Variants in ZFHX4 observed in about 807,000 individuals in gnomAD.
ZFHX4 encodes zinc finger homeobox 4.
ZFHX4 carries 56 observed loss-of-function variants against 267.6 expected under a neutral mutation model. That is an observed-to-expected ratio of 0.21 (90% CI 0.17 to 0.26). The LOEUF (loss-of-function observed/expected upper bound fraction) is 0.26. Ranked by LOEUF, ZFHX4 falls within the 10% of genes least tolerant of loss-of-function variation. ZFHX4 has a pLI of 1.00. For synonymous variants in ZFHX4, 1,778 were observed against 1,665.6 expected, an observed-to-expected ratio of 1.07 and a Z score of -1.64; for missense variants, 4,332 against 4,420.0, an observed-to-expected ratio of 0.98 and a Z score of 0.56.
At chr8:76,792,175 G>A (rs1360111745) in intron 4 of ZFHX4, among the ~76,000 whole-genome samples, 1 of 152,056 alleles carries the variant, frequency 6.6e-6, no homozygotes, top group East Asian at 1.9e-4. Context: ...AAGTGATTCT[G>A]TAACGTAACA....
chr8:76,824,318 A>G (rs551496988), intron 4 of ZFHX4, among the ~76,000 whole-genome samples: 4 of 152,310 alleles, frequency 2.6e-5, no homozygotes, highest in African/African-American at 7.2e-5. Context: ...AATCTAGAAA[A>G]TTACTCAAAT....
At chr8:76,715,632 G>A (rs1251278122) in intron 3 of ZFHX4, among the ~76,000 whole-genome samples, 1 of 151,752 alleles carries the variant, frequency 6.6e-6, no homozygotes, top group Non-Finnish European at 1.5e-5. Context: ...TGAAAGTACT[G>A]CTTAAAGATA....
chr8:76,751,404 T>G (rs1809610601), intron 3 of ZFHX4, among the ~76,000 whole-genome samples: 1 of 152,152 alleles, frequency 6.6e-6, no homozygotes, highest in Non-Finnish European at 1.5e-5. Context: ...AGTCTCTCCC[T>G]CAGGTTTCCA....
chr8:76,683,262 G>C (rs1807594907), intron 1 of ZFHX4: 1 of 136,368 alleles, frequency 7.3e-6, no homozygotes, highest in African/African-American at 2.8e-5. Context: ...TACACACACA[G>C]AGACACACTC....
chr8:76,710,450 T>C (rs1808394089), intron 3 of ZFHX4, among the ~76,000 whole-genome samples: 1 of 152,166 alleles, frequency 6.6e-6, no homozygotes. Flanking sequence ...ATAAGTAATA[T>C]TAATTGCTTT....
rs141956061 is a variant in ZFHX4 at position 76,702,465 on chromosome 8, T to A, written c.-46-1578T>A. On this transcript the variant is annotated intron_variant, in intron 1 of 10. Coordinates refer to ENST00000651372, the MANE Select transcript of ZFHX4 (RefSeq NM_024721.5). ...CATATGCCAGTGACCTTCACTGATG[T>A]CTTTCTTGTATAAGAACATTTTAAA... 2.4e-4 allele frequency among the ~76,000 whole-genome samples: 37 copies of A among 152,302 alleles called. No individual in the cohort carries two copies. The East Asian group carries it at 6.6e-3, about 27-fold the overall frequency.
At chr8:76,795,432 C>T (rs1810953315) in intron 4 of ZFHX4, among the ~76,000 whole-genome samples, 1 of 151,962 alleles carries the variant, frequency 6.6e-6, no homozygotes, top group East Asian at 1.9e-4. Flanking sequence ...CACCACCATG[C>T]CTGGCTAATT....
At chr8:76,767,905 T>C (rs1054776214) in intron 3 of ZFHX4, among the ~76,000 whole-genome samples, 1 of 152,194 alleles carries the variant, frequency 6.6e-6, no homozygotes, top group Non-Finnish European at 1.5e-5. Context: ...TTGGAATAAA[T>C]AATGCATGTG....
intron 4 of ZFHX4, among the ~76,000 whole-genome samples, chr8:76,814,515 G>A (rs926639530): frequency 6.6e-5 from 10 of 152,034 alleles, no homozygotes; most frequent in East Asian, 1.9e-4. Context: ...AGTTTTATAC[G>A]AAGAAGGTCT....
chr8:76,749,385 C>T, intron 3 of ZFHX4, among the ~76,000 whole-genome samples: 1 of 152,176 alleles, frequency 6.6e-6, no homozygotes, highest in South Asian at 2.1e-4. Context: ...GACCAAGTAA[C>T]TTGTCCCAGA....
In ZFHX4 at chr8:76,777,559, A is replaced by G. The variant is rs375902812; in HGVS notation, c.3094-649A>G. ...AAGTTTATTCCATGCATGCAGATTT[A>G]TGGAAAATTTAAATAAACATTTATG... On this transcript the variant is annotated intron_variant, in intron 3 of 10. Transcript: ENST00000651372. Among the ~76,000 whole-genome samples, 12 of 152,328 alleles carry G rather than the reference A, an allele frequency of 7.9e-5. No individual in the cohort carries two copies. The South Asian group carries it at 1.7e-3, about 21-fold the overall frequency.
Position 76,864,612 on chromosome 8 carries a change from T to TA in ZFHX4, c.*57dup, listed in dbSNP as rs3830275. 537 of 1,223,150 alleles carry TA rather than the reference T, an allele frequency of 4.4e-4. No homozygotes were observed. Among genetic ancestry groups the TA allele is most frequent in the South Asian group, 6.1e-4 (29 of 47,610 alleles). 75.8% of individuals were successfully genotyped at this position (1,223,150 alleles called of 1,614,324 possible). ...CTTAAAAAAATAAAAAATAAAAAAA[T>TA]AAAAAAAAAATAAGACTTTAACTGC... is the stretch of plus-strand genomic sequence containing the variant. On this transcript the variant is annotated 3_prime_UTR_variant, in exon 11 of 11. Transcript: ENST00000651372.
intron 5 of ZFHX4, among the ~76,000 whole-genome samples, chr8:76,837,493 G>GA (rs11293025): frequency 3.6e-3 from 437 of 121,478 alleles, no homozygotes; most frequent in East Asian, 6.6e-3. Context: ...AATGCAAAAA[G>GA]AAAAAAAAAA....
Position 76,853,081 on chromosome 8 carries a change from C to G in ZFHX4, c.6160C>G (p.Pro2054Ala). ...PPPPPPPPPP[P>A]PPPPPPPSAP... Reference sequence around the variant, plus strand: ...ACCACCACCTCCTCCTCCTCCTCCTCCTCCCCCCCCACCTCCTCCACCTTC... The same window carrying G: ...ACCACCACCTCCTCCTCCTCCTCCTGCTCCCCCCCCACCTCCTCCACCTTC... The change falls in exon 10 of 11, where the codon CCT becomes GCT. Residue 2054 changes from proline (P) to alanine (A), a missense_variant. Pro to Ala is a conservative substitution (Grantham distance 27, BLOSUM62 -1). This residue lies in a region of ZFHX4 where 1,371 missense variants were observed against 1,423.1 expected (regional missense o/e 0.96). Transcript: ENST00000651372. 1.3e-6 allele frequency: 1 copy of G among 768,994 alleles called. No homozygotes were observed. The highest frequency in any genetic ancestry group is 1.8e-5 in the African/African-American group (1 of 55,670). 47.6% of individuals were successfully genotyped at this position (768,994 alleles called of 1,614,324 possible).
chr8:76,820,470 C>A (rs748099994), intron 4 of ZFHX4, among the ~76,000 whole-genome samples: 5 of 152,104 alleles, frequency 3.3e-5, no homozygotes, highest in Non-Finnish European at 5.9e-5. Context: ...CTATATGTCA[C>A]CTTTTACACT....
intron 4 of ZFHX4, among the ~76,000 whole-genome samples, chr8:76,794,473 T>C (rs1810919322): frequency 6.6e-6 from 1 of 152,186 alleles, no homozygotes; most frequent in East Asian, 1.9e-4. Context: ...ACCACAGATT[T>C]CTTTTGCTCT....
At chr8:76,801,002 A>G (rs1811104163) in intron 4 of ZFHX4, among the ~76,000 whole-genome samples, 1 of 152,174 alleles carries the variant, frequency 6.6e-6, no homozygotes, top group South Asian at 2.1e-4. Context: ...TTGTCATTTT[A>G]GAAAACATTC....
At chr8:76,700,312 C>T (rs1053048967) in intron 1 of ZFHX4, among the ~76,000 whole-genome samples, 8 of 152,064 alleles carry the variant, frequency 5.3e-5, no homozygotes, top group Non-Finnish European at 1.2e-4. Flanking sequence ...GAGTGGCTAA[C>T]CTAGCATTCC....
chr8:76,705,791 G>A lies in ZFHX4; in HGVS notation c.1703G>A (p.Ser568Asn), dbSNP rs1808245668. ...GCAGACGCAAGTGCCAGTAAAGACA[G>A]TGCCACAGCTGCTCATCCAAGTGAA... ...DFADASASKD[S>N]ATAAHPSEIA... The change falls in exon 2 of 11, where the codon AGT (serine) becomes AAT (asparagine). Residue 568 changes from serine to asparagine, a missense_variant. By Grantham distance (46) the Ser-to-Asn change is conservative. Coordinates refer to ENST00000651372, the MANE Select transcript of ZFHX4 (RefSeq NM_024721.5). 6.2e-7 allele frequency: 1 copy of A among 1,613,980 alleles called. No homozygotes were observed.
Sources: gnomAD v4.1 joint callset for allele counts (sites outside exome capture counted in the v4.1 genomes callset) on GRCh38, gnomAD v4.1.1 for gene constraint, gnomAD v4.1.1 regional missense constraint, MANE v1.5 for transcripts, NCBI Gene and HGNC (gene_info 2026-07-23, HGNC 2026-07-21) for gene names.